The following PNMT variants were observed in gnomAD, a reference collection of about 807,000 sequenced individuals.
PNMT encodes noradrenaline N-methyltransferase.
In PNMT, 18 loss-of-function variants were observed where a neutral mutation model predicts 18.9. The observed-to-expected ratio is 0.95, with a 90% confidence interval of 0.66 to 1.41. The LOEUF (loss-of-function observed/expected upper bound fraction) is 1.41. PNMT is among the 40% of genes most tolerant of loss of function. PNMT has a pLI of 0.00. For synonymous variants in PNMT, 167 were observed against 168.6 expected (o/e 0.99, Z 0.08); for missense variants, 378 against 387.0 (o/e 0.98, Z 0.20).
At chr17:39,668,128 AG>A, upstream of PNMT, 1 of 184,182 alleles carries the variant, frequency 5.4e-6, no homozygotes. Flanking sequence ...GGCGGGGGTG[AG>A]GGGGTCTAAA....
rs2057273349 is a variant in PNMT at position 39,668,553 on chromosome 17, C to T, written c.78C>T (p.Ala26=). The T allele has an allele frequency of 1.9e-6, 3 of 1,565,030 alleles. No homozygotes were observed. The highest frequency in any genetic ancestry group is 8.6e-7 in the Non-Finnish European group (1 of 1,162,120). ...CGGGCCAGGCGGCGGTGGCTTCGGC[C>T]TACCAGCGCTTCGAGCCGCGCGCCT... The part of the protein sequence containing the change: ...SAPGQAAVAS[A]YQRFEPRAYL... The change falls in exon 1 of 3, where the codon GCC becomes GCT. Residue 26 remains alanine, a synonymous_variant. Coordinates refer to ENST00000269582, the MANE Select transcript of PNMT (RefSeq NM_002686.4).
chr17:39,669,847 G>C lies in PNMT; in HGVS notation c.410+11G>C, dbSNP rs765346287. ...CATTGAGGGCAAGGGGTAAGGACTG[G>C]GGGGTGAGGGTTGGGGAGGAGGCTT... On this transcript the variant is annotated intron_variant, in intron 2 of 2. Transcript: ENST00000269582. The C allele has an allele frequency of 1.2e-6, 2 of 1,610,708 alleles. No homozygotes were observed. The highest frequency in any genetic ancestry group is 1.7e-6 in the Non-Finnish European group (2 of 1,177,400).
At chr17:39,668,893 G>C (rs550956308) in intron 1 of PNMT, among the ~76,000 whole-genome samples, 1 of 150,772 alleles carries the variant, frequency 6.6e-6, no homozygotes, top group South Asian at 2.1e-4. Context: ...AGGGGGCGGA[G>C]AGTGCTCAGA....
chr17:39,668,240 G>A, upstream of PNMT: 6 of 417,886 alleles, frequency 1.4e-5, no homozygotes, highest in Non-Finnish European at 2.5e-5. Context: ...CAAGTACGGA[G>A]CCGGGGGTGT....
Position 39,670,015 on chromosome 17 carries a change from G to A in PNMT, c.475G>A (p.Val159Met), listed in dbSNP as rs533288414. The A allele has an allele frequency of 8.1e-6, 13 of 1,605,032 alleles. No individual in the cohort carries two copies. The East Asian group carries it at 1.6e-4, about 19-fold the overall frequency. ...ARVKRVLPID[V>M]HQPQPLGAGS... ...GGTGAAACGGGTCCTGCCCATCGAC[G>A]TGCACCAGCCCCAGCCCCTGGGTGC... The change falls in exon 3 of 3, where the codon GTG becomes ATG. Residue 159 changes from valine to methionine, a missense_variant. Physicochemically the swap from Val to Met is conservative, Grantham distance 21. Coordinates refer to ENST00000269582, the MANE Select transcript of PNMT (RefSeq NM_002686.4).
rs774119929 is a variant in PNMT at position 39,668,566 on chromosome 17, G to C, written c.91G>C (p.Glu31Gln). ...GGTGGCTTCGGCCTACCAGCGCTTC[G>C]AGCCGCGCGCCTACCTCCGCAACAA... ...AAVASAYQRF[E>Q]PRAYLRNNYA... is the part of the protein sequence containing the mutation. Residue 31 changes from glutamate (E) to glutamine (Q), a missense_variant, in exon 1 of 3, where the codon GAG becomes CAG. Transcript: ENST00000269582. 5 of 1,584,246 alleles carry C rather than the reference G, an allele frequency of 3.2e-6. No individual in the cohort carries two copies. Among genetic ancestry groups the C allele is most frequent in the Non-Finnish European group, 4.3e-6 (5 of 1,171,774 alleles).
In PNMT at chr17:39,669,673, A is replaced by C. The variant is rs1466593136; in HGVS notation, c.247A>C (p.Thr83Pro). 6.2e-7 allele frequency: 1 copy of C among 1,614,006 alleles called. No individual in the cohort carries two copies. Among genetic ancestry groups the C allele is most frequent in the Non-Finnish European group, 8.5e-7 (1 of 1,180,004 alleles). ...CCTCATCGACATTGGTTCAGGCCCC[A>C]CCGTGTACCAGCTGCTCAGTGCCTG... ...RTLIDIGSGPTVYQLLSACSH... is the reference protein window; with the variant it reads ...RTLIDIGSGPPVYQLLSACSH... Residue 83 changes from threonine (T) to proline (P), a missense_variant, in exon 2 of 3, where the codon ACC (threonine) becomes CCC (proline). Transcript: ENST00000269582.
At position 39,670,027 on chromosome 17, in the gene PNMT, C is replaced by G. The variant is rs1006562326; in HGVS notation, c.487C>G (p.Gln163Glu). Residue 163 changes from glutamine (Q) to glutamate (E), a missense_variant, in exon 3 of 3, where the codon CAG becomes GAG. Coordinates refer to ENST00000269582, the MANE Select transcript of PNMT (RefSeq NM_002686.4). The stretch of plus-strand genomic sequence containing the variant: ...CCTGCCCATCGACGTGCACCAGCCC[C>G]AGCCCCTGGGTGCTGGGAGCCCAGC... Reference protein sequence around the residue: ...RVLPIDVHQPQPLGAGSPAPL... With the variant: ...RVLPIDVHQPEPLGAGSPAPL... 1 of 1,605,680 alleles carries G rather than the reference C, an allele frequency of 6.2e-7. No homozygotes were observed. The highest frequency in any genetic ancestry group is 1.3e-5 in the African/African-American group (1 of 74,926).
rs760778798 is a variant in PNMT, at chr17:39,669,647, C to G, written c.221C>G (p.Thr74Ser). Residue 74 changes from threonine to serine, a missense_variant, in exon 2 of 3, where the codon ACC becomes AGC. Physicochemically the swap from Thr to Ser is moderately conservative, Grantham distance 58. Transcript: ENST00000269582. Reference protein sequence around the residue: ...TFATGEVSGRTLIDIGSGPTV... With the variant: ...TFATGEVSGRSLIDIGSGPTV... Reference sequence around the variant, plus strand: ...TGCCCAGGTGAAGTGTCCGGACGCACCCTCATCGACATTGGTTCAGGCCCC... The same window carrying G: ...TGCCCAGGTGAAGTGTCCGGACGCAGCCTCATCGACATTGGTTCAGGCCCC... 6.2e-7 allele frequency: 1 copy of G among 1,614,052 alleles called. No individual in the cohort carries two copies. The highest frequency in any genetic ancestry group is 8.5e-7 in the Non-Finnish European group (1 of 1,179,948).
chr17:39,668,760 G>C (rs1012754280), intron 1 of PNMT, 83 bp downstream of exon 1: 9 of 1,148,858 alleles, frequency 7.8e-6, no homozygotes, highest in Admixed American at 2.4e-5. Context: ...AGAAGGAAAG[G>C]GAGACAGACC....
At chr17:39,669,597 G>C in intron 1 of PNMT, 32 bp from the exon 2 acceptor site, 1 of 1,575,012 alleles carries the variant, frequency 6.3e-7, no homozygotes, top group Non-Finnish European at 8.7e-7. Context: ...GGGCTGGCTG[G>C]CACCAGGACC....
upstream of PNMT, chr17:39,668,331 T>C (rs1331225121): frequency 1.8e-6 from 1 of 546,084 alleles, no homozygotes; most frequent in Non-Finnish European, 2.9e-6. Context: ...GATGGATGAA[T>C]GGGTGGGGAG....
chr17:39,669,103 G>T (rs756792284), intron 1 of PNMT, among the ~76,000 whole-genome samples: 2 of 151,508 alleles, frequency 1.3e-5, no homozygotes, highest in African/African-American at 4.9e-5. Context: ...GTTTTGAGAC[G>T]GAGTTTCGCT....
chr17:39,669,578 G>A (rs763211008), intron 1 of PNMT, 51 bp from the exon 2 acceptor site: 1 of 1,385,310 alleles, frequency 7.2e-7, no homozygotes, highest in Non-Finnish European at 1.0e-6. Flanking sequence ...AAGGAGGCAG[G>A]GGCTGCCTGG....
Position 39,670,097 on chromosome 17 carries a change from C to T in PNMT, c.557C>T (p.Ala186Val), listed in dbSNP as rs2057286296. 1 of 1,609,986 alleles carries T rather than the reference C, an allele frequency of 6.2e-7. No individual in the cohort carries two copies. The highest frequency in any genetic ancestry group is 1.3e-5 in the African/African-American group (1 of 74,910). Residue 186 changes from alanine (A) to valine (V), a missense_variant, in exon 3 of 3, where the codon GCT becomes GTT. Ala to Val is a moderately conservative substitution (Grantham distance 64). Coordinates refer to ENST00000269582, the MANE Select transcript of PNMT (RefSeq NM_002686.4). ...DALVSAFCLEAVSPDLASFQR... is the reference protein window; with the variant it reads ...DALVSAFCLEVVSPDLASFQR... ...CTGGTCTCTGCCTTCTGCTTGGAGG[C>T]TGTGAGCCCAGATCTTGCCAGCTTT...
Position 39,670,386 on chromosome 17 carries a change from G to T in PNMT, c.846G>T (p.Leu282=). Residue 282 remains leucine (L), a synonymous_variant, in exon 3 of 3, where the codon CTG becomes CTT. Coordinates refer to ENST00000269582, the MANE Select transcript of PNMT (RefSeq NM_002686.4). ...TCGCCTGGGCTCAGAAGGTTGGGCT[G>T]TGAGGGCTGTACCTGGTGCCCTGTG... ...VFFAWAQKVG[L] The T allele has an allele frequency of 6.4e-7, 1 of 1,574,706 alleles. No individual in the cohort carries two copies. The highest frequency in any genetic ancestry group is 1.2e-5 in the South Asian group (1 of 86,348).
chr17:39,669,621 C>T lies in PNMT; in HGVS notation c.203-8C>T. On this transcript the variant is annotated splice_region_variant and splice_polypyrimidine_tract_variant and intron_variant, in intron 1 of 2. Transcript: ENST00000269582. ...GGCACCAGGACCCTCTTCCTCTGCC[C>T]TGCCCAGGTGAAGTGTCCGGACGCA... is the stretch of plus-strand genomic sequence containing the variant. 1.9e-6 allele frequency: 3 copies of T among 1,613,190 alleles called. No individual in the cohort carries two copies. Among genetic ancestry groups the T allele is most frequent in the Non-Finnish European group, 2.5e-6 (3 of 1,179,184 alleles).
In PNMT at chr17:39,669,822, C is replaced by T; in HGVS notation, c.396C>T (p.Leu132=). ...NWSMYSQHAC[L]IEGKGECWQD... ...GCATGTACAGCCAACATGCCTGCCT[C>T]ATTGAGGGCAAGGGGTAAGGACTGG... Residue 132 remains leucine, a synonymous_variant, in exon 2 of 3, where the codon CTC becomes CTT. Coordinates refer to ENST00000269582, the MANE Select transcript of PNMT (RefSeq NM_002686.4). The T allele has an allele frequency of 6.2e-7, 1 of 1,613,616 alleles. No homozygotes were observed. The highest frequency in any genetic ancestry group is 8.5e-7 in the Non-Finnish European group (1 of 1,179,646).
rs770474316 is a variant in PNMT, at chr17:39,670,424, C to A, written c.*35C>A. On this transcript the variant is annotated 3_prime_UTR_variant, in exon 3 of 3. Coordinates refer to ENST00000269582, the MANE Select transcript of PNMT (RefSeq NM_002686.4). ...CTGGTGCCCTGTGGCCCCCACCCAC[C>A]TGGATTCCCTGTTCTTTGAAGTGGC... The A allele has an allele frequency of 2.0e-6, 3 of 1,478,540 alleles. No homozygotes were observed. In the African/African-American group the frequency reaches 4.2e-5, roughly 21 times the overall value. 91.6% of individuals were successfully genotyped at this position (1,478,540 alleles called of 1,614,324 possible). A position where few individuals can be genotyped will look rare whatever the true frequency, so the allele number is the denominator to read the frequency against.
Sources: allele counts gnomAD v4.1 joint callset (sites outside exome capture counted in the v4.1 genomes callset), GRCh38; gene constraint gnomAD v4.1.1; transcripts MANE v1.5; gene names NCBI Gene and HGNC (gene_info 2026-07-23, HGNC 2026-07-21).